POLR3A: variants seen among roughly 807,000 people sequenced by gnomAD.
POLR3A encodes the protein DNA-directed RNA polymerase III subunit RPC1.
Under a neutral mutation model 152.8 loss-of-function variants are expected in POLR3A, and 112 were observed. The observed-to-expected ratio is 0.73, with a 90% CI of 0.63 to 0.86. POLR3A has a LOEUF of 0.86. POLR3A is among the 40% of genes least tolerant of loss of function. The probability of loss-of-function intolerance (pLI) is 0.00; values close to 1 mark genes in which losing one functional copy is unlikely to be tolerated. For missense variants in POLR3A, 1,385 were observed against 1,743.1 expected (o/e 0.79, Z 3.66); for synonymous variants, 615 against 652.1 (o/e 0.94, Z 0.87).
At chr10:78,002,577 G>T (rs1847368155) in intron 16 of POLR3A, among the ~76,000 whole-genome samples, 2 of 152,098 alleles carry the variant, frequency 1.3e-5, no homozygotes, top group South Asian at 4.1e-4. Context: ...TGTTGCTGAG[G>T]TTGGTGTACA....
intron 30 of POLR3A, 52 bp downstream of exon 30, chr10:77,980,089 A>C (rs1847125478): frequency 6.4e-7 from 1 of 1,557,282 alleles, no homozygotes; most frequent in African/African-American, 1.4e-5. Context: ...GCCATGGTCT[A>C]TTTGTAAATA....
intron 8 of POLR3A, chr10:78,019,562 T>C: frequency 2.3e-6 from 1 of 435,942 alleles, no homozygotes; most frequent in Admixed American, 3.7e-5. Flanking sequence ...TATAGGAACC[T>C]TCTGTGATCC....
At position 78,021,916 on chromosome 10, in the gene POLR3A, T is replaced by C. The variant is rs1367281614; in HGVS notation, c.992A>G (p.Asn331Ser). 2.5e-6 allele frequency: 4 copies of C among 1,614,182 alleles called. No individual in the cohort carries two copies. The highest frequency in any genetic ancestry group is 4.5e-5 in the East Asian group (2 of 44,864). Residue 331 changes from asparagine to serine, a missense_variant, in exon 7 of 31, where the codon AAC becomes AGC. Coordinates refer to ENST00000372371, the MANE Select transcript of POLR3A (RefSeq NM_007055.4). Reference protein sequence around the residue: ...INSELSGIPLNMAPKKWTRGF... With the variant: ...INSELSGIPLSMAPKKWTRGF... ...TCTGGTCCACTTCTTGGGTGCCATG[T>C]TGAGGGGAATGCCCGAGAGCTCACT... is the stretch of plus-strand genomic sequence containing the variant.
intron 29 of POLR3A, among the ~76,000 whole-genome samples, chr10:77,980,887 C>T (rs1354622434): frequency 1.3e-5 from 2 of 152,004 alleles, no homozygotes; most frequent in Non-Finnish European, 2.9e-5. Flanking sequence ...AATACTCTAT[C>T]GACTTGTTTG....
chr10:78,018,972 T>G (rs1847551820), intron 9 of POLR3A, among the ~76,000 whole-genome samples, 190 bp downstream of exon 9: 1 of 152,194 alleles, frequency 6.6e-6, no homozygotes. Context: ...AAAGGAGCAC[T>G]TCATGTATAT....
chr10:78,023,473 T>C (rs1435724547), intron 5 of POLR3A, among the ~76,000 whole-genome samples: 1 of 142,894 alleles, frequency 7.0e-6, no homozygotes, highest in Non-Finnish European at 1.5e-5. Flanking sequence ...AAAAAAAGTG[T>C]TACTGTTAAA....
intron 10 of POLR3A, among the ~76,000 whole-genome samples, chr10:78,014,785 T>C (rs1259414299): frequency 6.6e-6 from 1 of 151,982 alleles, no homozygotes; most frequent in African/African-American, 2.4e-5. Flanking sequence ...AAAATCACAA[T>C]AAAGGAAAAA....
intron 30 of POLR3A, among the ~76,000 whole-genome samples, chr10:77,979,439 G>A: frequency 6.6e-6 from 1 of 152,220 alleles, no homozygotes; most frequent in East Asian, 1.9e-4. Context: ...AAAGGCTCGA[G>A]CAAAGCTCAG....
intron 21 of POLR3A, among the ~76,000 whole-genome samples, chr10:77,988,062 C>T (rs544375380): frequency 1.8e-4 from 28 of 152,320 alleles, no homozygotes; most frequent in Non-Finnish European, 2.8e-4. Flanking sequence ...CAAGGGGCTA[C>T]CTCGGGGGCC....
At chr10:77,980,383 C>A (rs1334615576) in intron 29 of POLR3A, 110 bp from the exon 30 acceptor site, 4 of 1,057,556 alleles carry the variant, frequency 3.8e-6, no homozygotes, top group Non-Finnish European at 5.7e-6. Context: ...CAAGACCCAA[C>A]GTCAGGTGTG....
intron 9 of POLR3A, among the ~76,000 whole-genome samples, chr10:78,018,090 C>T (rs377130440): frequency 1.3e-5 from 2 of 150,034 alleles, no homozygotes; most frequent in East Asian, 2.0e-4. Context: ...GTGGGAGGAT[C>T]ACCTGAGCAG....
intron 19 of POLR3A, among the ~76,000 whole-genome samples, chr10:77,995,224 C>A (rs1446473581): frequency 2.0e-5 from 3 of 152,282 alleles, no homozygotes; most frequent in East Asian, 1.9e-4. Flanking sequence ...ATTGTAAAGA[C>A]CATCAAGGCT....
Position 77,986,142 on chromosome 10 carries a change from A to G in POLR3A, c.2919T>C (p.Ile973=). The change falls in exon 22 of 31, where the codon ATT becomes ATC. Residue 973 remains isoleucine (I), a synonymous_variant. Coordinates refer to ENST00000372371, the MANE Select transcript of POLR3A (RefSeq NM_007055.4). Reference sequence around the variant, plus strand: ...TCTTGATCTTCTCAGAGACCCCCTTAATGAATTTTTTTATTTCCTGAAAGA... The same window carrying G: ...TCTTGATCTTCTCAGAGACCCCCTTGATGAATTTTTTTATTTCCTGAAAGA... ...DSFLQEIKKF[I]KGVSEKIKKT... is the part of the protein sequence containing the mutation. 4 of 1,563,316 alleles carry G rather than the reference A, an allele frequency of 2.6e-6. No individual in the cohort carries two copies. The highest frequency in any genetic ancestry group is 3.5e-6 in the Non-Finnish European group (4 of 1,133,846).
At chr10:77,993,996 A>G (rs1847273829) in intron 19 of POLR3A, among the ~76,000 whole-genome samples, 1 of 152,256 alleles carries the variant, frequency 6.6e-6, no homozygotes, top group South Asian at 2.1e-4. Context: ...CCCTTATGCC[A>G]GAACTAATTT....
Position 77,982,186 on chromosome 10 carries a change from C to T in POLR3A, c.3727G>A (p.Gly1243Ser), listed in dbSNP as rs758522785. Residue 1243 changes from glycine to serine, a missense_variant, in exon 28 of 31, where the codon GGC becomes AGC. This residue lies in a region of POLR3A where 332 missense variants were observed against 400.1 expected (regional missense o/e 0.83). Transcript: ENST00000372371. Reference protein sequence around the residue: ...RAVMATHGVKGTRTTSNNTYE... With the variant: ...RAVMATHGVKSTRTTSNNTYE... Reference sequence around the variant, plus strand: ...GTGTTATTGGAGGTGGTTCGGGTGCCCTTCACACCGTGTGTGGCCATGACT... The same window carrying T: ...GTGTTATTGGAGGTGGTTCGGGTGCTCTTCACACCGTGTGTGGCCATGACT... The T allele has an allele frequency of 4.3e-6, 7 of 1,614,022 alleles. No homozygotes were observed. Among genetic ancestry groups the T allele is most frequent in the East Asian group, 4.5e-5 (2 of 44,878 alleles).
intron 5 of POLR3A, 70 bp from the exon 6 acceptor site, chr10:78,022,454 T>C (rs1847589254): frequency 6.6e-7 from 1 of 1,519,966 alleles, no homozygotes; most frequent in African/African-American, 1.4e-5. Flanking sequence ...AAGGTTTTCC[T>C]TCACTATGTT....
chr10:78,024,963 C>T lies in POLR3A; in HGVS notation c.490+8G>A. On this transcript the variant is annotated splice_region_variant and intron_variant, in intron 4 of 30. Coordinates refer to ENST00000372371, the MANE Select transcript of POLR3A (RefSeq NM_007055.4). ...GCTATTGCTTAGCCTTCTGTGCATT[C>T]CACTCACCATTAAAAGCGCCACAGT... The T allele has an allele frequency of 6.2e-7, 1 of 1,613,968 alleles. No homozygotes were observed. The highest frequency in any genetic ancestry group is 8.5e-7 in the Non-Finnish European group (1 of 1,179,832).
chr10:78,000,212 G>C, intron 18 of POLR3A, 94 bp from the exon 19 acceptor site: 1 of 1,049,574 alleles, frequency 9.5e-7, no homozygotes, highest in Non-Finnish European at 1.5e-6. Context: ...CCCACCTTGA[G>C]ACTATAAATA....
rs1589306411 is a variant in POLR3A at position 77,991,165 on chromosome 10, T to G, written c.2790A>C (p.Ala930=). 1 of 1,594,644 alleles carries G rather than the reference T, an allele frequency of 6.3e-7. No homozygotes were observed. The highest frequency in any genetic ancestry group is 8.6e-7 in the Non-Finnish European group (1 of 1,162,238). Residue 930 remains alanine (A), a splice_region_variant and synonymous_variant, in exon 21 of 31, where the codon GCA becomes GCC. Coordinates refer to ENST00000372371, the MANE Select transcript of POLR3A (RefSeq NM_007055.4). ...CAGGCTCACTGGGACACGGGAAGAC[T>G]GCCTTGAGTATTAAAAGAAAATTGC... The part of the protein sequence containing the change: ...EFKRVLDNIK[A]VFPCPSEPAL...
Sources: gnomAD v4.1 joint callset for allele counts (sites outside exome capture counted in the v4.1 genomes callset) on GRCh38, gnomAD v4.1.1 for gene constraint, gnomAD v4.1.1 regional missense constraint, MANE v1.5 for transcripts, NCBI Gene and HGNC (gene_info 2026-07-23, HGNC 2026-07-21) for gene names.